The following MCM8 variants were observed in gnomAD, a reference collection of about 807,000 sequenced individuals.
MCM8 encodes the protein DNA helicase MCM8.
A neutral mutation model predicts 98.9 loss-of-function variants in MCM8; 85 were observed. The ratio of observed to expected loss-of-function variants is 0.86; its 90% CI spans 0.72 to 1.03. The LOEUF is 1.03. Among genes scored for constraint, MCM8 ranks in the 50% least tolerant of loss-of-function variants. The probability of loss-of-function intolerance (pLI) is 0.00; values close to 1 mark genes in which losing one functional copy is unlikely to be tolerated. For synonymous variants in MCM8, 352 were observed against 338.6 expected (o/e 1.04, Z -0.44); for missense variants, 951 against 997.8 (o/e 0.95, Z 0.63).
intron 17 of MCM8, among the ~76,000 whole-genome samples, chr20:5,993,147 G>A (rs236123): frequency 0.85 from 129,613 of 152,106 alleles, 55,608 homozygotes; most frequent in East Asian, 1. Context: ...TCCAGGAGAT[G>A]GGACACATTT....
chr20:5,984,875 A>T lies in MCM8; in HGVS notation c.1828A>T (p.Ile610Phe). Residue 610 changes from isoleucine to phenylalanine, a missense_variant, in exon 15 of 19, where the codon ATT (isoleucine) becomes TTT (phenylalanine). Ile to Phe is a conservative substitution (Grantham distance 21). Coordinates refer to ENST00000610722, the MANE Select transcript of MCM8 (RefSeq NM_032485.6). ...TGATCACTTACTCTCTGAACATGTGATTGCAATAAGAGCTGGAAAGCAGAG... is the reference window on the plus strand; with the variant it reads ...TGATCACTTACTCTCTGAACATGTGTTTGCAATAAGAGCTGGAAAGCAGAG... The part of the protein sequence containing the change: ...HHDHLLSEHV[I>F]AIRAGKQRTI... 6.2e-7 allele frequency: 1 copy of T among 1,614,080 alleles called. No homozygotes were observed. The highest frequency in any genetic ancestry group is 8.5e-7 in the Non-Finnish European group (1 of 1,179,964).
At position 5,987,266 on chromosome 20, in the gene MCM8, G is replaced by A. The variant is rs201764220; in HGVS notation, c.2164-16G>A. 1.9e-6 allele frequency: 3 copies of A among 1,608,848 alleles called. No individual in the cohort carries two copies. Among genetic ancestry groups the A allele is most frequent in the East Asian group, 4.5e-5 (2 of 44,712 alleles). ...ATTCATCTTTCGTCATCTGAAAATG[G>A]TGTTTTCTTTTAAAGGCACGAGCAA... On this transcript the variant is annotated splice_polypyrimidine_tract_variant and intron_variant, in intron 16 of 18. Transcript: ENST00000610722.
At chr20:5,958,261 C>G (rs111852342) in intron 6 of MCM8, among the ~76,000 whole-genome samples, 3,682 of 152,230 alleles carry the variant, frequency 0.024, 133 homozygotes, top group African/African-American at 0.077. Flanking sequence ...CCCAGCTACT[C>G]GGGAGACTGA....
chr20:5,982,988 A>G lies in MCM8; in HGVS notation c.1556A>G (p.Glu519Gly), dbSNP rs765527278. The change falls in exon 14 of 19, where the codon GAA (glutamate) becomes GGA (glycine). Residue 519 changes from glutamate (E) to glycine (G), a missense_variant. Coordinates refer to ENST00000610722, the MANE Select transcript of MCM8 (RefSeq NM_032485.6). The part of the protein sequence containing the change: ...LGDQGICGID[E>G]FDKMGNQHQA... Reference sequence around the variant, plus strand: ...ATTGTAGGTATTTGTGGAATCGATGAATTTGATAAGATGGGGAATCAACAT... The same window carrying G: ...ATTGTAGGTATTTGTGGAATCGATGGATTTGATAAGATGGGGAATCAACAT... The G allele has an allele frequency of 1.9e-6, 3 of 1,611,258 alleles. No individual in the cohort carries two copies. Among genetic ancestry groups the G allele is most frequent in the Non-Finnish European group, 1.7e-6 (2 of 1,179,392 alleles).
At chr20:5,986,898 C>G (rs889612447) in intron 16 of MCM8, among the ~76,000 whole-genome samples, 5 of 152,178 alleles carry the variant, frequency 3.3e-5, no homozygotes, top group Admixed American at 3.3e-4. Context: ...ATGATCAAGC[C>G]TCATTGCAGC....
intron 17 of MCM8, among the ~76,000 whole-genome samples, chr20:5,989,355 A>C (rs1051035165): frequency 1.3e-5 from 2 of 152,052 alleles, no homozygotes; most frequent in African/African-American, 2.4e-5. Context: ...GCCTTAAGTG[A>C]TCTGCCTGCC....
intron 13 of MCM8, among the ~76,000 whole-genome samples, chr20:5,981,440 A>G (rs1326591822): frequency 6.6e-6 from 1 of 152,172 alleles, no homozygotes; most frequent in East Asian, 1.9e-4. Flanking sequence ...TTCCCAACAG[A>G]GGGGGGTGAA....
At chr20:5,963,715 A>C (rs1372163730) in intron 8 of MCM8, among the ~76,000 whole-genome samples, 1 of 151,574 alleles carries the variant, frequency 6.6e-6, no homozygotes, top group African/African-American at 2.4e-5. Flanking sequence ...TTTTTAGTAG[A>C]GGTTTAGTTT....
Position 5,985,031 on chromosome 20 carries a change from G to A in MCM8, c.1953+31G>A, listed in dbSNP as rs192688397. On this transcript the variant is annotated intron_variant, in intron 15 of 18. Coordinates refer to ENST00000610722, the MANE Select transcript of MCM8 (RefSeq NM_032485.6). ...AATGTTTCTTCTCCTTATTCAGTTT[G>A]GTTCTGTTTGAATGTCAAAGTTCAG... 1.5e-5 allele frequency: 24 copies of A among 1,580,204 alleles called. No individual in the cohort carries two copies. In the African/African-American group the frequency reaches 1.9e-4, roughly 12 times the overall value.
chr20:5,985,383 G>C (rs1381562477), intron 15 of MCM8, among the ~76,000 whole-genome samples: 2 of 148,328 alleles, frequency 1.3e-5, no homozygotes, highest in African/African-American at 5.0e-5. Context: ...GGCGGAGGTT[G>C]CAGTGAGCTG....
intron 4 of MCM8, 45 bp downstream of exon 4, chr20:5,954,735 C>G (rs755136961): frequency 8.5e-7 from 1 of 1,169,810 alleles, no homozygotes; most frequent in East Asian, 2.3e-5. Flanking sequence ...TGCCATCTTA[C>G]CAATGTATTC....
Position 5,977,891 on chromosome 20 carries a change from G to T in MCM8, c.1411G>T (p.Ala471Ser). The T allele has an allele frequency of 6.2e-7, 1 of 1,614,090 alleles. No individual in the cohort carries two copies. Among genetic ancestry groups the T allele is most frequent in the Admixed American group, 1.7e-5 (1 of 59,986 alleles). ...SQMLQAACNV[A>S]PRGVYVCGNT... ...GTTTCCTTAGGCAGCGTGCAATGTT[G>T]CCCCACGTGGCGTGTATGTTTGTGG... Residue 471 changes from alanine (A) to serine (S), a missense_variant, in exon 13 of 19, where the codon GCC becomes TCC. Transcript: ENST00000610722.
chr20:5,988,018 T>C (rs551924181), intron 17 of MCM8, among the ~76,000 whole-genome samples: 8 of 152,164 alleles, frequency 5.3e-5, no homozygotes, highest in African/African-American at 1.2e-4. Flanking sequence ...TCCTAGAAGG[T>C]AGAAAAGAAA....
rs2089043651 is a variant in MCM8 at position 5,958,394 on chromosome 20, T to C, written c.591-134T>C. On this transcript the variant is annotated intron_variant, in intron 6 of 18. Coordinates refer to ENST00000610722, the MANE Select transcript of MCM8 (RefSeq NM_032485.6). ...AGAAAACAAAACACAACAAGAATGG[T>C]TTAATTCTTGTGATATTTCTGATAT... 3 of 703,886 alleles carry C rather than the reference T, an allele frequency of 4.3e-6. No homozygotes were observed. In the South Asian group the frequency reaches 5.7e-5, roughly 13 times the overall value. The allele number at this position is 703,886 out of a possible 1,614,324, so 43.6% of individuals were successfully genotyped here.
chr20:5,967,256 T>C (rs1442251713), intron 8 of MCM8, among the ~76,000 whole-genome samples, 180 bp from the exon 9 acceptor site: 2 of 152,242 alleles, frequency 1.3e-5, no homozygotes, highest in African/African-American at 4.8e-5. Flanking sequence ...GGCAAATACA[T>C]ATGTTCATTT....
rs1860116014 is a variant in MCM8, at chr20:5,994,313, A to G, written c.2445A>G (p.Glu815=). ...KELNIQVADF[E]NFIGSLNDQG... is the part of the protein sequence containing the mutation. ...TTTTCTTCCAGGTTGCTGATTTTGA[A>G]AATTTTATTGGATCACTAAATGACC... Residue 815 remains glutamate, a synonymous_variant, in exon 19 of 19, where the codon GAA becomes GAG. Coordinates refer to ENST00000610722, the MANE Select transcript of MCM8 (RefSeq NM_032485.6). 5.0e-6 allele frequency: 8 copies of G among 1,596,822 alleles called. No homozygotes were observed. The highest frequency in any genetic ancestry group is 6.8e-6 in the Non-Finnish European group (8 of 1,173,664).
rs1464363030 is a variant in MCM8 at position 5,952,183 on chromosome 20, G to A, written c.148+20G>A. 5.6e-6 allele frequency: 9 copies of A among 1,608,270 alleles called. No homozygotes were observed. Among genetic ancestry groups the A allele is most frequent in the Non-Finnish European group, 7.6e-6 (9 of 1,177,790 alleles). On this transcript the variant is annotated intron_variant, in intron 2 of 18. Coordinates refer to ENST00000610722, the MANE Select transcript of MCM8 (RefSeq NM_032485.6). ...CTTCTGGTAGGTGAGGTCAATGATT[G>A]TTCAATTTTTTTCACTTAAGGAAGC...
At chr20:5,991,364 G>A (rs1407521978) in intron 17 of MCM8, 8 of 152,142 alleles carry the variant, frequency 5.3e-5, no homozygotes, top group Admixed American at 5.2e-4. Flanking sequence ...CTGTCCAAGA[G>A]GAACTCTTAA....
chr20:5,968,553 A>C (rs1483090710), intron 10 of MCM8, among the ~76,000 whole-genome samples: 1 of 152,232 alleles, frequency 6.6e-6, no homozygotes, highest in African/African-American at 2.4e-5. Flanking sequence ...TTTAAAAAAA[A>C]AAAAATTCTG....
Sources: gnomAD v4.1 joint callset for allele counts (sites outside exome capture counted in the v4.1 genomes callset) on GRCh38, gnomAD v4.1.1 for gene constraint, MANE v1.5 for transcripts, NCBI Gene and HGNC (gene_info 2026-07-23, HGNC 2026-07-21) for gene names.